PTPN2: variants seen among roughly 807,000 people sequenced by gnomAD.
PTPN2 encodes protein tyrosine phosphatase non-receptor type 2.
Under a neutral mutation model 57.3 loss-of-function variants are expected in PTPN2, and 19 were observed. The ratio of observed to expected loss-of-function variants is 0.33; its 90% CI spans 0.23 to 0.49. The LOEUF (loss-of-function observed/expected upper bound fraction) is 0.49. PTPN2 is among the 20% of genes least tolerant of loss of function. PTPN2 has a pLI of 0.99. For missense variants in PTPN2, 358 were observed against 501.1 expected (o/e 0.71, Z 2.73); for synonymous variants, 153 against 164.9 (o/e 0.93, Z 0.55).
At chr18:12,843,995 A>G (rs1353266729) in intron 2 of PTPN2, 2 of 152,288 alleles carry the variant, frequency 1.3e-5, no homozygotes, top group Non-Finnish European at 2.9e-5. Context: ...CTCCCTCTCG[A>G]GAATTCTCAT....
chr18:12,787,079 T>C (rs1042137238), intron 9 of PTPN2: 1 of 152,198 alleles, frequency 6.6e-6, no homozygotes, highest in Admixed American at 6.5e-5. Flanking sequence ...AATGATCTGG[T>C]TTAGAGAATA....
In PTPN2 at chr18:12,851,261, T is replaced by C. The variant is rs1167711326; in HGVS notation, c.160+7903A>G. ...TTGGGAGGCCGAGGCGGGTGGATCA[T>C]GAGGTCAGGAGATCGAGACCATCCT... is the stretch of plus-strand genomic sequence containing the variant. On this transcript the variant is annotated intron_variant, in intron 2 of 8. Transcript: ENST00000309660. Among the ~76,000 whole-genome samples, 12 of 8,692 alleles carry C rather than the reference T, an allele frequency of 1.4e-3. 5 individuals are homozygous for C. The highest frequency in any genetic ancestry group is 6.2e-3 in the Non-Finnish European group (11 of 1,788). 5.7% of individuals were successfully genotyped at this position (8,692 alleles called of 152,430 possible). A position where few individuals can be genotyped will look rare whatever the true frequency, so the allele number is the denominator to read the frequency against.
chr18:12,857,090 ATCAAT>A (rs2145466976), intron 2 of PTPN2, among the ~76,000 whole-genome samples: 1 of 151,604 alleles, frequency 6.6e-6, no homozygotes, highest in East Asian at 1.9e-4. Flanking sequence ...TCCCATTTAG[ATCAAT>A]TCGATAAAAC....
At chr18:12,817,000 C>T (rs529826885) in intron 6 of PTPN2, among the ~76,000 whole-genome samples, 156 bp downstream of exon 6, 82 of 151,560 alleles carry the variant, frequency 5.4e-4, no homozygotes, top group Non-Finnish European at 8.2e-4. Flanking sequence ...GCAGTTGCAA[C>T]GGTGGAAATG....
At chr18:12,828,113 T>C (rs377384662) in intron 4 of PTPN2, among the ~76,000 whole-genome samples, 49 of 152,064 alleles carry the variant, frequency 3.2e-4, no homozygotes, top group African/African-American at 1.1e-3. Flanking sequence ...CAGAAGGAAA[T>C]GGAAAAAAAA....
chr18:12,878,949 T>TA (rs1351165167), intron 1 of PTPN2, among the ~76,000 whole-genome samples: 3 of 152,244 alleles, frequency 2.0e-5, no homozygotes, highest in Non-Finnish European at 4.4e-5. Flanking sequence ...TCCCCAGTTT[T>TA]AGTCTTTTCC....
chr18:12,867,363 C>T (rs2044030719), intron 1 of PTPN2, among the ~76,000 whole-genome samples: 1 of 151,700 alleles, frequency 6.6e-6, no homozygotes, highest in African/African-American at 2.4e-5. Context: ...AAATGGAACT[C>T]CTGTATTAAG....
chr18:12,855,481 T>C (rs2043555543), intron 2 of PTPN2, among the ~76,000 whole-genome samples: 1 of 152,072 alleles, frequency 6.6e-6, no homozygotes, highest in Non-Finnish European at 1.5e-5. Flanking sequence ...CCTGGGACTT[T>C]AGGGAAGGAT....
intron 1 of PTPN2, among the ~76,000 whole-genome samples, chr18:12,866,331 G>A (rs1218677851): frequency 6.6e-6 from 1 of 152,012 alleles, no homozygotes; most frequent in Admixed American, 6.6e-5. Flanking sequence ...CCAGCTACTG[G>A]GGAGGCTGAG....
chr18:12,819,057 G>A (rs889338572), intron 5 of PTPN2: 3 of 348,344 alleles, frequency 8.6e-6, no homozygotes, highest in African/African-American at 6.7e-5. Flanking sequence ...TCGTGCCATT[G>A]TACTCCAGCC....
At chr18:12,810,472 G>T (rs11663472) in intron 7 of PTPN2, among the ~76,000 whole-genome samples, 1 of 151,982 alleles carries the variant, frequency 6.6e-6, no homozygotes, top group Admixed American at 6.6e-5. Flanking sequence ...TAGAGATGGG[G>T]TCTTACTCTG....
chr18:12,873,896 C>T lies in PTPN2; in HGVS notation c.69+10177G>A, dbSNP rs2044366856. ...TGAGATGTGGGGAGTGCCTTTGCCCCGCCGCCCCGTCTGGGATGTGAGGAG... is the reference window on the plus strand; with the variant it reads ...TGAGATGTGGGGAGTGCCTTTGCCCTGCCGCCCCGTCTGGGATGTGAGGAG... On this transcript the variant is annotated intron_variant, in intron 1 of 8. Coordinates refer to ENST00000309660, the MANE Select transcript of PTPN2 (RefSeq NM_002828.4). Among the ~76,000 whole-genome samples, 2 of 151,662 alleles carry T rather than the reference C, an allele frequency of 1.3e-5. 1 individual carries two copies. Among genetic ancestry groups the T allele is most frequent in the South Asian group, 4.2e-4 (2 of 4,800 alleles).
intron 7 of PTPN2, among the ~76,000 whole-genome samples, chr18:12,803,845 A>G (rs2041520326): frequency 6.6e-6 from 1 of 152,170 alleles, no homozygotes; most frequent in Non-Finnish European, 1.5e-5. Context: ...ACAAAAAAAC[A>G]TTGGATTTAA....
chr18:12,854,765 C>T lies in PTPN2; in HGVS notation c.160+4399G>A, dbSNP rs527347753. ...AGTGAGAAGGAGAGAGAAACAGACT[C>T]CTGAAGAAATAAAGGCAAAGTGAGG... On this transcript the variant is annotated intron_variant, in intron 2 of 8. Coordinates refer to ENST00000309660, the MANE Select transcript of PTPN2 (RefSeq NM_002828.4). 3.9e-5 allele frequency among the ~76,000 whole-genome samples: 6 copies of T among 152,168 alleles called. No individual in the cohort carries two copies. In the East Asian group the frequency reaches 1.2e-3, roughly 29 times the overall value.
intron 4 of PTPN2, among the ~76,000 whole-genome samples, chr18:12,826,760 G>C (rs1045200982): frequency 1.1e-4 from 17 of 152,010 alleles, no homozygotes; most frequent in Admixed American, 1.0e-3. Flanking sequence ...GTAGAGACAG[G>C]GTTTTGCCAT....
At chr18:12,877,903 G>A (rs1159667011) in intron 1 of PTPN2, among the ~76,000 whole-genome samples, 2 of 152,112 alleles carry the variant, frequency 1.3e-5, no homozygotes, top group Non-Finnish European at 2.9e-5. Flanking sequence ...GTTGGCGGGC[G>A]CCTGTAGTCC....
intron 4 of PTPN2, 95 bp from the exon 5 acceptor site, chr18:12,826,039 CTA>C: frequency 1.0e-6 from 1 of 992,056 alleles, no homozygotes; most frequent in Non-Finnish European, 1.4e-6. Context: ...TATATACATG[CTA>C]TATTTTTTCA....
chr18:12,838,870 T>A (rs1213059363), intron 2 of PTPN2, among the ~76,000 whole-genome samples: 1 of 151,816 alleles, frequency 6.6e-6, no homozygotes, highest in Non-Finnish European at 1.5e-5. Flanking sequence ...CTTCTGTTCT[T>A]TTAAGAAAAA....
At chr18:12,823,303 C>T (rs2042335607) in intron 5 of PTPN2, among the ~76,000 whole-genome samples, 1 of 152,142 alleles carries the variant, frequency 6.6e-6, no homozygotes, top group African/African-American at 2.4e-5. Flanking sequence ...GCCTCAACTC[C>T]AGAAAGATGC....
Sources: allele counts gnomAD v4.1 joint callset (sites outside exome capture counted in the v4.1 genomes callset), GRCh38; gene constraint gnomAD v4.1.1; transcripts MANE v1.5; gene names NCBI Gene and HGNC (gene_info 2026-07-23, HGNC 2026-07-21).